Variants in PEX3 observed in about 807,000 individuals in gnomAD.
PEX3 encodes the protein peroxisomal biogenesis factor 3, also known as peroxin-3.
A neutral mutation model predicts 55.8 loss-of-function variants in PEX3; 30 were observed. The ratio of observed to expected loss-of-function variants is 0.54; its 90% CI spans 0.40 to 0.73. The LOEUF (loss-of-function observed/expected upper bound fraction) is 0.73. Ranked by LOEUF, PEX3 falls within the 30% of genes least tolerant of loss-of-function variation. PEX3 has a pLI of 0.00. For missense variants in PEX3, 351 were observed against 432.8 expected (o/e 0.81, Z 1.68); for synonymous variants, 135 against 148.4 (o/e 0.91, Z 0.66).
rs1780355008 is a variant in PEX3, at chr6:143,489,243, A to T, written c.*17A>T. 1 of 1,374,762 alleles carries T rather than the reference A, an allele frequency of 7.3e-7. No homozygotes were observed. The highest frequency in any genetic ancestry group is 1.7e-5 in the Admixed American group (1 of 59,670). 85.2% of individuals were successfully genotyped at this position (1,374,762 alleles called of 1,614,324 possible). A position where few individuals can be genotyped will look rare whatever the true frequency, so the allele number is the denominator to read the frequency against. ...GAGAAATGATTTTTCCTTCAAGAAA[A>T]ACTACAGTGGGATTCATTTACTTTT... On this transcript the variant is annotated 3_prime_UTR_variant, in exon 12 of 12. Transcript: ENST00000367591. This position sits in a 1 kb window ranked among gnomAD's most constrained non-coding sequence, Gnocchi z 5.5.
intron 2 of PEX3, among the ~76,000 whole-genome samples, chr6:143,460,797 G>C (rs761841235): frequency 1.3e-5 from 2 of 151,310 alleles, no homozygotes; most frequent in Non-Finnish European, 2.9e-5. Context: ...CTGTTAGGTG[G>C]AGGTTGCGGT....
intron 4 of PEX3, among the ~76,000 whole-genome samples, chr6:143,468,808 C>CCG (rs1562653849): frequency 1.2e-4 from 2 of 16,606 alleles, no homozygotes; most frequent in East Asian, 1.9e-3. Flanking sequence ...CTATCCCCCC[C>CCG]CCCCCCACCC....
At position 143,474,814 on chromosome 6, in the gene PEX3, C is replaced by A; in HGVS notation, c.776C>A (p.Thr259Asn). ...QACGLSPRDITTIKLLNETRD... is the reference protein window; with the variant it reads ...QACGLSPRDINTIKLLNETRD... ...TGTGGACTTTCTCCTCGAGACATTA[C>A]CACTATTAAACTTCTCAATGAAACT... Residue 259 changes from threonine to asparagine, a missense_variant, in exon 9 of 12, where the codon ACC (threonine) becomes AAC (asparagine). Thr to Asn is a moderately conservative substitution (Grantham distance 65). Coordinates refer to ENST00000367591, the MANE Select transcript of PEX3 (RefSeq NM_003630.3). 2 of 1,595,448 alleles carry A rather than the reference C, an allele frequency of 1.3e-6. No individual in the cohort carries two copies. The highest frequency in any genetic ancestry group is 1.7e-6 in the Non-Finnish European group (2 of 1,163,252).
rs1318629851 is a variant in PEX3, at chr6:143,476,389, G to T, written c.818+1533G>T. Among the ~76,000 whole-genome samples the T allele has an allele frequency of 6.6e-6, 1 of 152,178 alleles. No homozygotes were observed. The highest frequency in any genetic ancestry group is 1.5e-5 in the Non-Finnish European group (1 of 68,026). On this transcript the variant is annotated intron_variant, in intron 9 of 11. Transcript: ENST00000367591. The surrounding 1 kb of genome is among the most constrained non-coding windows in gnomAD (Gnocchi z 5.4). Reference sequence around the variant, plus strand: ...TTTGTTTTTTATTCTTAATGTATGGGAAGCCATTGGAGAATTTTAAGCAGG... The same window carrying T: ...TTTGTTTTTTATTCTTAATGTATGGTAAGCCATTGGAGAATTTTAAGCAGG...
chr6:143,474,828 C>A lies in PEX3; in HGVS notation c.790C>A (p.Leu264Ile). ...TCGAGACATTACCACTATTAAACTT[C>A]TCAATGAAACTAGAGACATGTTGGA... The part of the protein sequence containing the change: ...SPRDITTIKL[L>I]NETRDMLESP... The change falls in exon 9 of 12, where the codon CTC becomes ATC. Residue 264 changes from leucine (L) to isoleucine (I), a missense_variant. By Grantham distance (5) the Leu-to-Ile change is conservative. Transcript: ENST00000367591. The A allele has an allele frequency of 6.3e-7, 1 of 1,589,314 alleles. No individual in the cohort carries two copies. The highest frequency in any genetic ancestry group is 8.6e-7 in the Non-Finnish European group (1 of 1,157,704).
rs1040240629 is a variant in PEX3 at position 143,453,073 on chromosome 6, G to A, written c.73+1958G>A. On this transcript the variant is annotated intron_variant, in intron 1 of 11. Transcript: ENST00000367591. The surrounding 1 kb of genome is among the most constrained non-coding windows in gnomAD (Gnocchi z 4.6). ...GAAGGGGAACTGGAATTCAAACCCA[G>A]GTGTGTTGGACCACAAAGCACATTC... Among the ~76,000 whole-genome samples the A allele has an allele frequency of 6.6e-6, 1 of 152,112 alleles. No individual in the cohort carries two copies. Among genetic ancestry groups the A allele is most frequent in the African/African-American group, 2.4e-5 (1 of 41,406 alleles).
Position 143,453,796 on chromosome 6 carries a change from T to G in PEX3, c.73+2681T>G, listed in dbSNP as rs965806823. On this transcript the variant is annotated intron_variant, in intron 1 of 11. Coordinates refer to ENST00000367591, the MANE Select transcript of PEX3 (RefSeq NM_003630.3). The surrounding 1 kb of genome is among the most constrained non-coding windows in gnomAD (Gnocchi z 4.6). The stretch of plus-strand genomic sequence containing the variant: ...TCTCACTACATTGCTCAGACTGGTC[T>G]TGAACTCCTGGCCTCAAGCAATCGT... Among the ~76,000 whole-genome samples, 8 of 152,268 alleles carry G rather than the reference T, an allele frequency of 5.3e-5. No homozygotes were observed. Among genetic ancestry groups the G allele is most frequent in the African/African-American group, 1.9e-4 (8 of 41,552 alleles).
rs9496643 is a variant in PEX3 at position 143,467,903 on chromosome 6, G to A, written c.288-219G>A. Among the ~76,000 whole-genome samples, 34,737 of 151,966 alleles carry A rather than the reference G, an allele frequency of 0.23. 4,584 individuals carry two copies. Among genetic ancestry groups the A allele is most frequent in the Non-Finnish European group, 0.3 (20,413 of 67,906 alleles). On this transcript the variant is annotated intron_variant, in intron 3 of 11. Transcript: ENST00000367591. Reference sequence around the variant, plus strand: ...TAATCTATCTATACATAACACTCAAGGAGAAAAAGATTGTAAGAATATATA... The same window carrying A: ...TAATCTATCTATACATAACACTCAAAGAGAAAAAGATTGTAAGAATATATA...
intron 4 of PEX3, among the ~76,000 whole-genome samples, chr6:143,468,807 C>CCCCTT (rs1780028296): frequency 1.0e-5 from 1 of 97,642 alleles, no homozygotes. Flanking sequence ...GCTATCCCCC[C>CCCCTT]CCCCCCCACC....
chr6:143,474,237 C>T (rs956206997), intron 8 of PEX3, among the ~76,000 whole-genome samples: 2 of 152,112 alleles, frequency 1.3e-5, no homozygotes, highest in African/African-American at 4.8e-5. Flanking sequence ...ATCACGAGGT[C>T]AGGAGTTCGA....
Position 143,471,255 on chromosome 6 carries a change from G to T in PEX3, c.457-128G>T. 1.0e-6 allele frequency: 1 copy of T among 1,003,082 alleles called. No homozygotes were observed. The highest frequency in any genetic ancestry group is 1.5e-5 in the South Asian group (1 of 68,938). The allele number at this position is 1,003,082 out of a possible 1,614,324, so 62.1% of individuals were successfully genotyped here. On this transcript the variant is annotated intron_variant, in intron 5 of 11. Transcript: ENST00000367591. This position sits in a 1 kb window ranked among gnomAD's most constrained non-coding sequence, Gnocchi z 5.4. ...ATATGTTGAAACTAGAATTTTTGGT[G>T]TGTTAAAAATTACTATTTTTCCCGT...
rs1779747568 is a variant in PEX3, at chr6:143,450,850, T to C, written c.-193T>C. 4.0e-6 allele frequency: 3 copies of C among 756,932 alleles called. No individual in the cohort carries two copies. The South Asian group carries it at 4.6e-5, about 12-fold the overall frequency. The allele number at this position is 756,932 out of a possible 1,614,324, so 46.9% of individuals were successfully genotyped here. A position where few individuals can be genotyped will look rare whatever the true frequency, so the allele number is the denominator to read the frequency against. On this transcript the variant is annotated 5_prime_UTR_variant, in exon 1 of 12. Coordinates refer to ENST00000367591, the MANE Select transcript of PEX3 (RefSeq NM_003630.3). The stretch of plus-strand genomic sequence containing the variant: ...CGGCGGCAGCGGCAGAAAGCGTAGC[T>C]GCTTTGCTGTAGTCCACGCCCCCTT...
In PEX3 at chr6:143,450,882, C is replaced by A; in HGVS notation, c.-161C>A. 1 of 798,130 alleles carries A rather than the reference C, an allele frequency of 1.3e-6. No individual in the cohort carries two copies. Among genetic ancestry groups the A allele is most frequent in the Non-Finnish European group, 2.2e-6 (1 of 450,050 alleles). 49.4% of individuals were successfully genotyped at this position (798,130 alleles called of 1,614,324 possible). ...CTGTAGTCCACGCCCCCTTGCCGCT[C>A]CGGTGACAGTCTCTGCGGAAAGTCA... On this transcript the variant is annotated 5_prime_UTR_variant, in exon 1 of 12. Coordinates refer to ENST00000367591, the MANE Select transcript of PEX3 (RefSeq NM_003630.3).
At position 143,489,000 on chromosome 6, in the gene PEX3, A is replaced by G. The variant is rs1780352790; in HGVS notation, c.1039-143A>G. 2 of 626,220 alleles carry G rather than the reference A, an allele frequency of 3.2e-6. No homozygotes were observed. Among genetic ancestry groups the G allele is most frequent in the Non-Finnish European group, 5.8e-6 (2 of 346,236 alleles). 38.8% of individuals were successfully genotyped at this position (626,220 alleles called of 1,614,324 possible). On this transcript the variant is annotated intron_variant, in intron 11 of 11. Coordinates refer to ENST00000367591, the MANE Select transcript of PEX3 (RefSeq NM_003630.3). This position sits in a 1 kb window ranked among gnomAD's most constrained non-coding sequence, Gnocchi z 4.9. ...ACTATCTCCTAGAATTTATTACAAGAAAAACTACTCATTTTCTTAAATGGT... is the reference window on the plus strand; with the variant it reads ...ACTATCTCCTAGAATTTATTACAAGGAAAACTACTCATTTTCTTAAATGGT...
At chr6:143,469,566 C>A (rs1051546163) in intron 4 of PEX3, among the ~76,000 whole-genome samples, 2 of 152,126 alleles carry the variant, frequency 1.3e-5, no homozygotes, top group Admixed American at 6.5e-5. Flanking sequence ...TTTGTAGATT[C>A]TGGATGATAG....
chr6:143,463,359 T>A lies in PEX3; in HGVS notation c.287+362T>A, dbSNP rs1779949721. ...ATATTGTGCTTCTTTCTGAAAGAGC[T>A]TACGGTGTAATACAGCATGTGAACA... On this transcript the variant is annotated intron_variant, in intron 3 of 11. Transcript: ENST00000367591. This position sits in a 1 kb window ranked among gnomAD's most constrained non-coding sequence, Gnocchi z 5.7. Among the ~76,000 whole-genome samples the A allele has an allele frequency of 6.6e-6, 1 of 152,178 alleles. No homozygotes were observed. Among genetic ancestry groups the A allele is most frequent in the African/African-American group, 2.4e-5 (1 of 41,454 alleles).
At position 143,462,148 on chromosome 6, in the gene PEX3, G is replaced by GT. The variant is rs888421227; in HGVS notation, c.206-761dup. ...AATAAACTCCTAAAAATCACATGAAGTTTTTTTCCCATAGATTGCTAGTCT... is the reference window on the plus strand; with the variant it reads ...AATAAACTCCTAAAAATCACATGAAGTTTTTTTTCCCATAGATTGCTAGTCT... On this transcript the variant is annotated intron_variant, in intron 2 of 11. Coordinates refer to ENST00000367591, the MANE Select transcript of PEX3 (RefSeq NM_003630.3). The surrounding 1 kb of genome is among the most constrained non-coding windows in gnomAD (Gnocchi z 4.1). Among the ~76,000 whole-genome samples, 49 of 152,136 alleles carry GT rather than the reference G, an allele frequency of 3.2e-4. No individual in the cohort carries two copies. Among genetic ancestry groups the GT allele is most frequent in the African/African-American group, 1.1e-3 (45 of 41,506 alleles).
intron 8 of PEX3, among the ~76,000 whole-genome samples, chr6:143,472,910 G>T (rs1780094864): frequency 6.6e-6 from 1 of 152,184 alleles, no homozygotes; most frequent in African/African-American, 2.4e-5. Flanking sequence ...ATCAACTATA[G>T]TGTTGCTAAA....
At chr6:143,452,070 T>C (rs1779777503) in intron 1 of PEX3, among the ~76,000 whole-genome samples, 3 of 152,222 alleles carry the variant, frequency 2.0e-5, no homozygotes, top group Non-Finnish European at 4.4e-5. Context: ...GATTGTATTC[T>C]GTTCTCCCCA....
Sources: allele counts gnomAD v4.1 joint callset (sites outside exome capture counted in the v4.1 genomes callset), GRCh38; gene constraint gnomAD v4.1.1; non-coding constraint Gnocchi (gnomAD v3.1); transcripts MANE v1.5; gene names NCBI Gene and HGNC (gene_info 2026-07-23, HGNC 2026-07-21).